The following FAM53B variants were observed in gnomAD, a reference collection of about 807,000 sequenced individuals.
FAM53B encodes the protein family with sequence similarity 53 member B.
A neutral mutation model predicts 32.7 loss-of-function variants in FAM53B; 12 were observed. That is an observed-to-expected ratio of 0.37 (90% CI 0.24 to 0.59). The LOEUF is 0.59. FAM53B is among the 20% of genes least tolerant of loss of function. The pLI, the probability that FAM53B is intolerant of heterozygous loss-of-function variation, is 0.72. For synonymous variants in FAM53B, 234 were observed against 228.7 expected, an observed-to-expected ratio of 1.02 and a Z score of -0.21; for missense variants, 477 against 577.7, an observed-to-expected ratio of 0.83 and a Z score of 1.79.
chr10:124,623,319 G>A lies in FAM53B; in HGVS notation c.1192C>T (p.Arg398Trp), dbSNP rs745387817. 1.1e-5 allele frequency: 18 copies of A among 1,612,288 alleles called. No homozygotes were observed. The highest frequency in any genetic ancestry group is 2.7e-5 in the African/African-American group (2 of 74,928). ...GRRAEPAAAW[R>W]DRGAPGNSLC... The stretch of plus-strand genomic sequence containing the variant: ...CTGTTCCCAGGGGCCCCGCGGTCCC[G>A]CCAGGCTGCAGCCGGCTCCGCTCTC... Residue 398 changes from arginine (R) to tryptophan (W), a missense_variant, in exon 5 of 5, where the codon CGG becomes TGG. By Grantham distance (101) the Arg-to-Trp change is moderately radical. Coordinates refer to ENST00000337318, the MANE Select transcript of FAM53B (RefSeq NM_014661.4).
chr10:124,716,903 G>A (rs566886519), intron 1 of FAM53B, among the ~76,000 whole-genome samples: 5 of 152,150 alleles, frequency 3.3e-5, no homozygotes, highest in Admixed American at 6.5e-5. Flanking sequence ...GGACCGCAGC[G>A]GGCCCCAAAG....
At chr10:124,639,729 G>A (rs966343825) in intron 4 of FAM53B, among the ~76,000 whole-genome samples, 2 of 152,024 alleles carry the variant, frequency 1.3e-5, no homozygotes, top group Non-Finnish European at 2.9e-5. Context: ...ATGCTTGGCA[G>A]AATATACAAA....
chr10:124,624,146 T>C (rs900344362), intron 4 of FAM53B: 3 of 153,332 alleles, frequency 2.0e-5, no homozygotes, highest in Non-Finnish European at 2.9e-5. Flanking sequence ...CGCGCCGCGA[T>C]ACTTCCCTTG....
At chr10:124,696,477 C>T (rs891898565) in intron 2 of FAM53B, among the ~76,000 whole-genome samples, 1 of 152,150 alleles carries the variant, frequency 6.6e-6, no homozygotes, top group African/African-American at 2.4e-5. Flanking sequence ...ACTTCTGACA[C>T]GAGGGGATTT....
intron 4 of FAM53B, among the ~76,000 whole-genome samples, chr10:124,670,788 A>T (rs899201160): frequency 4.6e-5 from 7 of 151,918 alleles, no homozygotes; most frequent in African/African-American, 1.7e-4. Flanking sequence ...ACCTCCTCTC[A>T]TCCTGCCTGG....
At chr10:124,689,016 CG>C (rs932493863) in intron 3 of FAM53B, among the ~76,000 whole-genome samples, 3 of 152,142 alleles carry the variant, frequency 2.0e-5, no homozygotes, top group African/African-American at 4.8e-5. Flanking sequence ...CGAAATGCCC[CG>C]ATTAGCAAGC....
At chr10:124,658,174 G>A (rs1332576461) in intron 4 of FAM53B, among the ~76,000 whole-genome samples, 1 of 152,252 alleles carries the variant, frequency 6.6e-6, no homozygotes, top group Non-Finnish European at 1.5e-5. Context: ...GAACCCAGGG[G>A]AGGGGCTTTG....
At chr10:124,663,026 ACT>A in intron 4 of FAM53B, among the ~76,000 whole-genome samples, 1 of 152,252 alleles carries the variant, frequency 6.6e-6, no homozygotes, top group East Asian at 1.9e-4. Flanking sequence ...AGAAACGGTC[ACT>A]GAGTCCTTTG....
At chr10:124,681,535 G>A (rs1244896644) in intron 4 of FAM53B, 72 bp downstream of exon 4, 5 of 1,373,954 alleles carry the variant, frequency 3.6e-6, no homozygotes, top group Non-Finnish European at 4.9e-6. Flanking sequence ...ATCTATGCTT[G>A]TCTAGGACGG....
At chr10:124,711,064 A>G (rs552304210) in intron 1 of FAM53B, among the ~76,000 whole-genome samples, 1 of 152,302 alleles carries the variant, frequency 6.6e-6, no homozygotes, top group African/African-American at 2.4e-5. Context: ...TACTCCACAG[A>G]CGCTTTGCTG....
chr10:124,739,616 A>G (rs1280486778), intron 1 of FAM53B, among the ~76,000 whole-genome samples: 2 of 152,282 alleles, frequency 1.3e-5, no homozygotes, highest in South Asian at 2.1e-4. Context: ...TGGCACCGTG[A>G]AAAAAGTCCT....
At chr10:124,698,044 A>C (rs1949886453) in intron 2 of FAM53B, among the ~76,000 whole-genome samples, 1 of 152,312 alleles carries the variant, frequency 6.6e-6, no homozygotes, top group African/African-American at 2.4e-5. Context: ...TGCACAGCTG[A>C]GAGCTCAGCC....
intron 2 of FAM53B, among the ~76,000 whole-genome samples, chr10:124,700,556 G>A (rs528385163): frequency 6.6e-6 from 1 of 152,304 alleles, no homozygotes; most frequent in African/African-American, 2.4e-5. Flanking sequence ...CCTCGTCTCT[G>A]TGAGACTCCT....
intron 4 of FAM53B, among the ~76,000 whole-genome samples, chr10:124,658,716 C>T (rs1017726831): frequency 1.3e-5 from 2 of 152,202 alleles, no homozygotes; most frequent in Non-Finnish European, 2.9e-5. Flanking sequence ...CACTTCACCC[C>T]GGCAACCCAG....
chr10:124,663,180 T>C (rs1949645425), intron 4 of FAM53B, among the ~76,000 whole-genome samples: 1 of 152,196 alleles, frequency 6.6e-6, no homozygotes, highest in Non-Finnish European at 1.5e-5. Context: ...AGAGCTGCAG[T>C]GGTAGACAGG....
chr10:124,705,108 C>T (rs1949943981), intron 2 of FAM53B, among the ~76,000 whole-genome samples: 1 of 152,190 alleles, frequency 6.6e-6, no homozygotes, highest in Non-Finnish European at 1.5e-5. Context: ...AAGCTGAGTC[C>T]CTATCCTTGC....
intron 4 of FAM53B, among the ~76,000 whole-genome samples, chr10:124,634,447 G>A (rs1360615656): frequency 1.3e-5 from 2 of 152,178 alleles, no homozygotes; most frequent in Non-Finnish European, 2.9e-5. Context: ...GGGACGCAGT[G>A]GAAGGTAACT....
chr10:124,695,279 C>G (rs1170106300), intron 3 of FAM53B, among the ~76,000 whole-genome samples: 1 of 152,146 alleles, frequency 6.6e-6, no homozygotes. Context: ...CAAAGGTGGG[C>G]AAGGAGAGCC....
chr10:124,740,569 T>C (rs1215515197), intron 1 of FAM53B, among the ~76,000 whole-genome samples: 2 of 152,172 alleles, frequency 1.3e-5, no homozygotes, highest in African/African-American at 4.8e-5. Flanking sequence ...GGTCAGCTAT[T>C]ACAGTGCCGT....
Sources: gnomAD v4.1 joint callset for allele counts (sites outside exome capture counted in the v4.1 genomes callset) on GRCh38, gnomAD v4.1.1 for gene constraint, MANE v1.5 for transcripts, NCBI Gene and HGNC (gene_info 2026-07-23, HGNC 2026-07-21) for gene names.